Variants in ARSL observed in about 807,000 individuals in gnomAD.
ARSL encodes arylsulfatase E (chondrodysplasia punctata 1).
Under a neutral mutation model 31.1 loss-of-function variants are expected in ARSL, and 4 were observed. The observed-to-expected ratio is 0.13, with a 90% CI of 0.06 to 0.29. The LOEUF is 0.29. ARSL is among the 10% of genes least tolerant of loss of function. ARSL has a pLI of 1.00. For missense variants in ARSL, 312 were observed against 497.8 expected (o/e 0.63, Z 3.55); for synonymous variants, 198 against 209.9 (o/e 0.94, Z 0.49).
upstream of ARSL, among the ~76,000 whole-genome samples, chrX:2,965,832 C>A (rs962180411): frequency 6.2e-5 from 7 of 112,144 alleles, no homozygotes; most frequent in African/African-American, 2.3e-4. Flanking sequence ...ACCCGGGAGA[C>A]GGAGCTTGCA....
chrX:2,965,086 CA>C (rs200693582), upstream of ARSL, among the ~76,000 whole-genome samples: 4 of 102,670 alleles, frequency 3.9e-5, no homozygotes, highest in Middle Eastern at 4.7e-3. Flanking sequence ...GACCCTGCCT[CA>C]AAAAAAAATG....
In ARSL at chrX:2,952,970, G is replaced by C. The variant is rs211640; in HGVS notation, c.430+173C>G. 0.45 allele frequency: 223,406 copies of C among 499,318 alleles called. 38,084 individuals are homozygous for C. Among genetic ancestry groups the C allele is most frequent in the Middle Eastern group, 0.53 (1,381 of 2,598 alleles). The allele number at this position is 499,318 out of a possible 1,213,427, so 41.1% of individuals were successfully genotyped here. ...CCTTGCCTGAGCTGGTATTTCTTGA[G>C]TATCTACTTTGCAGAAAACAACCTG... On this transcript the variant is annotated intron_variant, in intron 5 of 10. Coordinates refer to ENST00000381134, the MANE Select transcript of ARSL (RefSeq NM_000047.3).
Position 2,955,435 on chromosome X carries a change from G to A in ARSL, c.288C>T (p.Gly96=). The change falls in exon 4 of 11, where the codon GGC becomes GGT. Residue 96 remains glycine, a synonymous_variant. Coordinates refer to ENST00000381134, the MANE Select transcript of ARSL (RefSeq NM_000047.3). ...CTPSRAAFLT[G]RYPVRSGMVS... ...ACTGACCTGATCGCACAGGGTATCT[G>A]CCCGTGAGGAAGGCGGCTCTGCTTG... The A allele has an allele frequency of 8.3e-7, 1 of 1,212,003 alleles. No individual in the cohort carries two copies. The highest frequency in any genetic ancestry group is 1.1e-6 in the Non-Finnish European group (1 of 895,421).
chrX:2,948,232 T>G (rs753861460), intron 6 of ARSL, among the ~76,000 whole-genome samples: 1 of 112,262 alleles, frequency 8.9e-6, no homozygotes, highest in African/African-American at 3.2e-5. Flanking sequence ...AGAATGCCCT[T>G]GGGGAGCATG....
At chrX:2,958,185 A>G (rs2089552688) in intron 3 of ARSL, 89 bp downstream of exon 3, 3 of 1,125,378 alleles carry the variant, frequency 2.7e-6, no homozygotes, top group African/African-American at 3.6e-5. Flanking sequence ...TGAACTGCCA[A>G]GATCAAGGGT....
chrX:2,935,371 A>T (rs967204998), intron 10 of ARSL, among the ~76,000 whole-genome samples, 181 bp from the exon 11 acceptor site: 2 of 112,408 alleles, frequency 1.8e-5, no homozygotes, highest in African/African-American at 6.5e-5. Flanking sequence ...GGAATGACAC[A>T]ATGACACAGG....
intron 5 of ARSL, 83 bp downstream of exon 5, chrX:2,953,060 C>T (rs984802313): frequency 1.4e-5 from 16 of 1,104,135 alleles, no homozygotes; most frequent in African/African-American, 1.3e-4. Flanking sequence ...CAGCACCTCA[C>T]CCACTTTCCT....
At chrX:2,952,304 T>A (rs1410648259) in intron 5 of ARSL, among the ~76,000 whole-genome samples, 2 of 111,643 alleles carry the variant, frequency 1.8e-5, no homozygotes, top group East Asian at 5.6e-4. Flanking sequence ...TGCCAAATAT[T>A]TCATTAAGTT....
At chrX:2,943,741 C>CA (rs63205261) in intron 7 of ARSL, among the ~76,000 whole-genome samples, 245 of 13,735 alleles carry the variant, frequency 0.018, 44 homozygotes, top group Non-Finnish European at 0.024. Flanking sequence ...GACTCGGTCT[C>CA]AAAAAAAAAA....
At position 2,960,402 on chromosome X, in the gene ARSL, T is replaced by C; in HGVS notation, c.-2A>G. 1.7e-6 allele frequency: 2 copies of C among 1,202,339 alleles called. No individual in the cohort carries two copies. The highest frequency in any genetic ancestry group is 2.2e-6 in the Non-Finnish European group (2 of 889,298). On this transcript the variant is annotated 5_prime_UTR_variant, in exon 2 of 11. Transcript: ENST00000381134. Reference sequence around the variant, plus strand: ...CCAAGAATGGTGCAGATGTAACATGTTGTCTCTCTCTCTACTTCCTGTAAG... The same window carrying C: ...CCAAGAATGGTGCAGATGTAACATGCTGTCTCTCTCTCTACTTCCTGTAAG...
At chrX:2,955,751 G>A (rs1305990489) in intron 3 of ARSL, among the ~76,000 whole-genome samples, 2 of 111,178 alleles carry the variant, frequency 1.8e-5, no homozygotes, top group Non-Finnish European at 1.9e-5. Context: ...GTGGCTGGAC[G>A]CGGTGGCTCA....
Position 2,934,840 on chromosome X carries a change from G to A in ARSL, c.1762C>T (p.Pro588Ser). The part of the protein sequence containing the change: ...PLCWCLREDD[P>S]Q ...CTTTTCACTGCAGACATTTATTGTG[G>A]GTCATCTTCCCTAAGGCACCAGCAG... The change falls in exon 11 of 11, where the codon CCA (proline) becomes TCA (serine). Residue 588 changes from proline (P) to serine (S), a missense_variant. Transcript: ENST00000381134. 2.5e-6 allele frequency: 3 copies of A among 1,197,842 alleles called. No homozygotes were observed. The highest frequency in any genetic ancestry group is 3.4e-6 in the Non-Finnish European group (3 of 886,910).
chrX:2,938,638 G>A (rs1247625100), intron 8 of ARSL, among the ~76,000 whole-genome samples: 2 of 110,193 alleles, frequency 1.8e-5, no homozygotes, highest in African/African-American at 6.6e-5. Flanking sequence ...CAGGCGCTGG[G>A]AGCAGCAGGA....
chrX:2,951,614 C>CAAAAAA (rs1164575386), intron 5 of ARSL, among the ~76,000 whole-genome samples: 3 of 28,881 alleles, frequency 1.0e-4, no homozygotes, highest in Non-Finnish European at 1.6e-4. Context: ...CCCATCTCTA[C>CAAAAAA]AAAAAAAAAA....
chrX:2,960,283 A>C (rs1248810368), intron 2 of ARSL, 95 bp downstream of exon 2: 1 of 447,743 alleles, frequency 2.2e-6, no homozygotes, highest in South Asian at 4.9e-5. Context: ...AAAAAAAAAA[A>C]AAAAAAAAAA....
chrX:2,956,976 C>T (rs2089532595), intron 3 of ARSL, among the ~76,000 whole-genome samples: 1 of 106,211 alleles, frequency 9.4e-6, no homozygotes, highest in South Asian at 4.4e-4. Context: ...AATCTCAGCA[C>T]TTTGGGAGGC....
chrX:2,940,406 G>A (rs1453649659), intron 8 of ARSL, among the ~76,000 whole-genome samples: 1 of 111,262 alleles, frequency 9.0e-6, no homozygotes, highest in Non-Finnish European at 1.9e-5. Flanking sequence ...GGTGGCTCAC[G>A]CCTGGAATCC....
intron 6 of ARSL, among the ~76,000 whole-genome samples, chrX:2,948,532 G>T (rs923995825): frequency 9.0e-6 from 1 of 111,414 alleles, no homozygotes; most frequent in Non-Finnish European, 1.9e-5. Context: ...ACAAGGCCTT[G>T]CTCTGTCGCC....
rs182524433 is a variant in ARSL, at chrX:2,960,149, G to A, written c.23+229C>T. ...CCGGGCGTGGTGGCAGGCGCCTGTA[G>A]TCCCAGCTACTCGGGAGGCTGAGGC... On this transcript the variant is annotated intron_variant, in intron 2 of 10. Transcript: ENST00000381134. 0.034 allele frequency among the ~76,000 whole-genome samples: 2,881 copies of A among 85,171 alleles called. 163 individuals carry two copies. The highest frequency in any genetic ancestry group is 0.053 in the Non-Finnish European group (2,174 of 41,227). The allele number at this position is 85,171 out of a possible 115,157, so 74.0% of individuals were successfully genotyped here.
Sources: allele counts gnomAD v4.1 joint callset (sites outside exome capture counted in the v4.1 genomes callset), GRCh38; gene constraint gnomAD v4.1.1; transcripts MANE v1.5; gene names NCBI Gene and HGNC (gene_info 2026-07-23, HGNC 2026-07-21).